The following SIPA1L2 variants were observed in gnomAD, a reference collection of about 807,000 sequenced individuals.
SIPA1L2 encodes the protein signal-induced proliferation-associated 1-like protein 2.
Under a neutral mutation model 163.9 loss-of-function variants are expected in SIPA1L2, and 56 were observed. The observed-to-expected ratio is 0.34, with a 90% CI of 0.28 to 0.43. SIPA1L2 has a LOEUF of 0.43. Ranked by LOEUF, SIPA1L2 falls within the 20% of genes least tolerant of loss-of-function variation. SIPA1L2 has a pLI of 1.00. For missense variants in SIPA1L2, 1,974 were observed against 2,193.5 expected (o/e 0.90, Z 2.00); for synonymous variants, 877 against 865.7 (o/e 1.01, Z -0.23).
Position 232,515,308 on chromosome 1 carries a change from T to G in SIPA1L2, c.32A>C (p.Lys11Thr). 1 of 1,608,010 alleles carries G rather than the reference T, an allele frequency of 6.2e-7. No homozygotes were observed. Among genetic ancestry groups the G allele is most frequent in the Non-Finnish European group, 8.5e-7 (1 of 1,176,472 alleles). The part of the protein sequence containing the change: MSDPRQSQEE[K>T]HKLGRASSKF... ...TGAAGAGGCTCTGCCTAGCTTGTGC[T>G]TCTCTTCTTGTGACTGCCTTGGGTC... is the stretch of plus-strand genomic sequence containing the variant. The change falls in exon 3 of 23, where the codon AAG (lysine) becomes ACG (threonine). Residue 11 changes from lysine to threonine, a missense_variant. Lys to Thr is a moderately conservative substitution (Grantham distance 78, BLOSUM62 -1). Coordinates refer to ENST00000674635, the MANE Select transcript of SIPA1L2 (RefSeq NM_020808.5).
At chr1:232,590,970 C>A (rs1436950531) in intron 1 of SIPA1L2, among the ~76,000 whole-genome samples, 2 of 152,194 alleles carry the variant, frequency 1.3e-5, no homozygotes, top group Non-Finnish European at 1.5e-5. Context: ...AGGGAATAAA[C>A]CTTGGTCAAG....
rs747569685 is a variant in SIPA1L2, at chr1:232,443,633, C to T, written c.3406G>A (p.Gly1136Arg). The T allele has an allele frequency of 8.1e-6, 13 of 1,608,666 alleles. No homozygotes were observed. Among genetic ancestry groups the T allele is most frequent in the Admixed American group, 6.8e-5 (4 of 59,154 alleles). Residue 1136 changes from glycine (G) to arginine (R), a missense_variant, in exon 12 of 23, where the codon GGA (glycine) becomes AGA (arginine). Gly to Arg is a moderately radical substitution (Grantham distance 125). Coordinates refer to ENST00000674635, the MANE Select transcript of SIPA1L2 (RefSeq NM_020808.5). Reference protein sequence around the residue: ...SSSDPGPGGSGPWRPQVGYDG... With the variant: ...SSSDPGPGGSRPWRPQVGYDG... ...TAGCCCACTTGTGGTCTCCAGGGTC[C>T]GCTCCCGCCGGGTCCAGGGTCGCTG...
chr1:232,480,557 T>C (rs1479965283), intron 6 of SIPA1L2, among the ~76,000 whole-genome samples: 2 of 152,214 alleles, frequency 1.3e-5, no homozygotes, highest in Non-Finnish European at 2.9e-5. Flanking sequence ...GTTTCACACA[T>C]TGAAACTAAC....
At chr1:232,590,724 GA>G (rs61412819) in intron 1 of SIPA1L2, among the ~76,000 whole-genome samples, 17 of 150,750 alleles carry the variant, frequency 1.1e-4, no homozygotes, top group East Asian at 9.7e-4. Context: ...ACAAAAAAAG[GA>G]AAAAAAAAAT....
chr1:232,447,695 A>G (rs1399431052), intron 10 of SIPA1L2, among the ~76,000 whole-genome samples: 1 of 152,220 alleles, frequency 6.6e-6, no homozygotes. Context: ...GGTTCTGGCT[A>G]GTTGATGGAT....
chr1:232,491,323 G>A (rs973775016), intron 4 of SIPA1L2, among the ~76,000 whole-genome samples: 1 of 152,152 alleles, frequency 6.6e-6, no homozygotes, highest in Non-Finnish European at 1.5e-5. Flanking sequence ...AAGAAGCAAG[G>A]CAGAGCAATG....
chr1:232,423,370 G>C (rs1043648965), intron 18 of SIPA1L2, among the ~76,000 whole-genome samples: 6 of 152,206 alleles, frequency 3.9e-5, no homozygotes, highest in Admixed American at 3.3e-4. Context: ...CAGGGAACTA[G>C]AGGCCTCCAA....
At chr1:232,542,605 A>T (rs150379269) in intron 2 of SIPA1L2, among the ~76,000 whole-genome samples, 1 of 152,170 alleles carries the variant, frequency 6.6e-6, no homozygotes, top group Non-Finnish European at 1.5e-5. Flanking sequence ...GGCCCTCCAA[A>T]CCTGACCCCA....
At position 232,479,612 on chromosome 1, in the gene SIPA1L2, C is replaced by G; in HGVS notation, c.2085+15G>C. ...CATACTCAGCGTAAAAAGCTCCAGGCTGGGGAGGACATACCTGTTGTCTGT... is the reference window on the plus strand; with the variant it reads ...CATACTCAGCGTAAAAAGCTCCAGGGTGGGGAGGACATACCTGTTGTCTGT... On this transcript the variant is annotated intron_variant, in intron 7 of 22. Coordinates refer to ENST00000674635, the MANE Select transcript of SIPA1L2 (RefSeq NM_020808.5). 1 of 1,607,088 alleles carries G rather than the reference C, an allele frequency of 6.2e-7. No homozygotes were observed. The highest frequency in any genetic ancestry group is 8.5e-7 in the Non-Finnish European group (1 of 1,173,896).
chr1:232,434,043 C>G, intron 15 of SIPA1L2, among the ~76,000 whole-genome samples: 1 of 152,160 alleles, frequency 6.6e-6, no homozygotes, highest in East Asian at 1.9e-4. Flanking sequence ...AACGTAGTTA[C>G]AGAAAGTGAC....
intron 3 of SIPA1L2, among the ~76,000 whole-genome samples, chr1:232,502,636 TCA>T (rs1296693494): frequency 6.6e-6 from 1 of 152,190 alleles, no homozygotes; most frequent in Non-Finnish European, 1.5e-5. Flanking sequence ...TCTTTCTGTC[TCA>T]CACAGACATC....
At chr1:232,545,539 T>C (rs1657980278) in intron 2 of SIPA1L2, among the ~76,000 whole-genome samples, 1 of 152,178 alleles carries the variant, frequency 6.6e-6, no homozygotes, top group African/African-American at 2.4e-5. Context: ...AAGCTACAAG[T>C]TTTGTCTATT....
At chr1:232,462,412 G>GT in intron 9 of SIPA1L2, 2 of 1,447,042 alleles carry the variant, frequency 1.4e-6, no homozygotes, top group Non-Finnish European at 1.8e-6. Context: ...ACCTATGACA[G>GT]TAAGTACAGC....
At chr1:232,542,210 C>T (rs999369705) in intron 2 of SIPA1L2, among the ~76,000 whole-genome samples, 1 of 152,152 alleles carries the variant, frequency 6.6e-6, no homozygotes, top group African/African-American at 2.4e-5. Context: ...GAAAAATGAT[C>T]ATTTTAAATA....
chr1:232,576,702 C>T (rs530266421), intron 1 of SIPA1L2, among the ~76,000 whole-genome samples: 15 of 152,166 alleles, frequency 9.9e-5, no homozygotes, highest in Admixed American at 7.9e-4. Flanking sequence ...AGCCAAGTCG[C>T]GAATACAAAG....
intron 1 of SIPA1L2, among the ~76,000 whole-genome samples, chr1:232,598,832 G>C (rs2102848755): frequency 6.6e-6 from 1 of 152,064 alleles, no homozygotes; most frequent in African/African-American, 2.4e-5. Flanking sequence ...AATTTTGGGG[G>C]AATATAAATA....
intron 2 of SIPA1L2, among the ~76,000 whole-genome samples, chr1:232,523,836 T>C (rs1667562879): frequency 6.8e-6 from 1 of 147,216 alleles, no homozygotes; most frequent in South Asian, 2.1e-4. Flanking sequence ...GTCCCATCAC[T>C]GTATTCTTTA....
chr1:232,435,054 C>T (rs1351549329), intron 15 of SIPA1L2, among the ~76,000 whole-genome samples: 1 of 152,144 alleles, frequency 6.6e-6, no homozygotes, highest in Non-Finnish European at 1.5e-5. Context: ...TGTGCACTGC[C>T]TTCCACTACC....
chr1:232,427,943 CAA>C (rs1003010606), intron 17 of SIPA1L2, among the ~76,000 whole-genome samples: 2 of 152,160 alleles, frequency 1.3e-5, no homozygotes. Flanking sequence ...AGCTCTGGAA[CAA>C]AAGTCAGGTG....
Sources: gnomAD v4.1 joint callset for allele counts (sites outside exome capture counted in the v4.1 genomes callset) on GRCh38, gnomAD v4.1.1 for gene constraint, MANE v1.5 for transcripts, NCBI Gene and HGNC (gene_info 2026-07-23, HGNC 2026-07-21) for gene names.